The following SVOPL variants were observed in gnomAD, a reference collection of about 807,000 sequenced individuals.
The protein encoded by SVOPL is putative transporter SVOPL.
SVOPL carries 60 observed loss-of-function variants against 61.0 expected under a neutral mutation model. The ratio of observed to expected loss-of-function variants is 0.98; its 90% CI spans 0.80 to 1.22. The LOEUF (loss-of-function observed/expected upper bound fraction) is 1.22, where lower values mean the gene tolerates loss of function less well. Ranked by LOEUF, SVOPL falls within the 50% of genes most tolerant of loss-of-function variation. SVOPL has a pLI of 0.00. For missense variants in SVOPL, 662 were observed against 643.9 expected, an observed-to-expected ratio of 1.03 and a Z score of -0.30; for synonymous variants, 279 against 250.0, an observed-to-expected ratio of 1.12 and a Z score of -1.09.
At chr7:138,662,996 A>AAG in intron 5 of SVOPL, 78 bp downstream of exon 5, 1 of 1,602,256 alleles carries the variant, frequency 6.2e-7, no homozygotes, top group East Asian at 2.2e-5. Flanking sequence ...ATGCCTACTA[A>AAG]AGAGAAACAG....
At chr7:138,606,325 G>A (rs1798756380) in intron 14 of SVOPL, among the ~76,000 whole-genome samples, 1 of 152,038 alleles carries the variant, frequency 6.6e-6, no homozygotes, top group African/African-American at 2.4e-5. Flanking sequence ...GAAGAGGAAA[G>A]CTCTCCACTG....
chr7:138,640,503 G>T (rs964303768), intron 9 of SVOPL, among the ~76,000 whole-genome samples: 2 of 152,220 alleles, frequency 1.3e-5, no homozygotes, highest in East Asian at 3.9e-4. Flanking sequence ...ACCCACCTCA[G>T]TCTCTCAAAG....
At chr7:138,694,460 G>A (rs527678873) in intron 1 of SVOPL, among the ~76,000 whole-genome samples, 10 of 152,130 alleles carry the variant, frequency 6.6e-5, no homozygotes, top group African/African-American at 2.2e-4. Context: ...TGGCCAGGCT[G>A]GTCTCGAACT....
At chr7:138,656,223 C>T (rs1372284732) in intron 7 of SVOPL, among the ~76,000 whole-genome samples, 1 of 152,158 alleles carries the variant, frequency 6.6e-6, no homozygotes, top group Non-Finnish European at 1.5e-5. Flanking sequence ...GTGTACATTG[C>T]TTTTTAGGCA....
intron 4 of SVOPL, among the ~76,000 whole-genome samples, chr7:138,665,232 A>G (rs1360460794): frequency 1.4e-5 from 2 of 146,292 alleles, no homozygotes; most frequent in African/African-American, 5.1e-5. Context: ...CATGACTCTC[A>G]CAAAACACAA....
intron 14 of SVOPL, among the ~76,000 whole-genome samples, chr7:138,611,884 T>C (rs1221413422): frequency 1.4e-4 from 10 of 71,648 alleles, no homozygotes; most frequent in East Asian, 3.6e-4. Flanking sequence ...CGCCACCCCG[T>C]CTGGGAGGTG....
At chr7:138,649,199 A>T (rs1584832390) in intron 7 of SVOPL, 62 bp from the exon 8 acceptor site, 1 of 1,031,418 alleles carries the variant, frequency 9.7e-7, no homozygotes, top group Non-Finnish European at 1.4e-6. Context: ...AAAAAAAAAA[A>T]GGAAAAATAT....
At chr7:138,601,251 C>CAAAAAAAA (rs59761826) in intron 14 of SVOPL, among the ~76,000 whole-genome samples, 1 of 99,116 alleles carries the variant, frequency 1.0e-5, no homozygotes, top group Non-Finnish European at 2.0e-5. Context: ...GATTCCATCT[C>CAAAAAAAA]AAAAAAAAAA....
At chr7:138,676,593 G>A (rs757384961) in intron 3 of SVOPL, among the ~76,000 whole-genome samples, 29 of 151,498 alleles carry the variant, frequency 1.9e-4, no homozygotes, top group Non-Finnish European at 3.5e-4. Context: ...GTTTTGGAAG[G>A]GACACATTCA....
chr7:138,683,429 G>A (rs76463792), intron 1 of SVOPL, among the ~76,000 whole-genome samples: 24,863 of 151,838 alleles, frequency 0.16, 2,306 homozygotes, highest in Middle Eastern at 0.3. Flanking sequence ...GTGCAGTGGC[G>A]GGATCTCATC....
chr7:138,680,219 G>T (rs1802669275), intron 1 of SVOPL, among the ~76,000 whole-genome samples: 1 of 149,754 alleles, frequency 6.7e-6, no homozygotes, highest in East Asian at 1.9e-4. Flanking sequence ...GCCCAGACTG[G>T]AGTGCAGTGG....
intron 5 of SVOPL, 39 bp downstream of exon 5, chr7:138,663,035 A>G (rs2117085267): frequency 6.2e-7 from 1 of 1,613,754 alleles, no homozygotes; most frequent in East Asian, 2.2e-5. Context: ...AAGAATACAC[A>G]AAAGACAATT....
At chr7:138,657,728 A>T (rs1005327307) in intron 6 of SVOPL, among the ~76,000 whole-genome samples, 1 of 152,188 alleles carries the variant, frequency 6.6e-6, no homozygotes, top group Admixed American at 6.6e-5. Flanking sequence ...CCAAAGCTCA[A>T]AGCTTACTGT....
At chr7:138,642,831 C>CAAAAAAAAAAAAAA (rs749603417) in intron 9 of SVOPL, among the ~76,000 whole-genome samples, 15 of 26,908 alleles carry the variant, frequency 5.6e-4, no homozygotes, top group African/African-American at 1.0e-3. Context: ...CTCCTACCTC[C>CAAAAAAAAAAAAAA]AAAAAAAAAA....
chr7:138,634,574 G>T (rs908766385), intron 9 of SVOPL, among the ~76,000 whole-genome samples: 4 of 152,140 alleles, frequency 2.6e-5, no homozygotes, highest in Admixed American at 6.5e-5. Context: ...CTTGAGCTCA[G>T]CAGGTTGAGG....
chr7:138,661,351 T>A (rs1370481666), intron 5 of SVOPL: 1 of 985,272 alleles, frequency 1.0e-6, no homozygotes, highest in Admixed American at 6.2e-5. Context: ...CCTGCAAATG[T>A]CCACACTCTA....
intron 5 of SVOPL, chr7:138,662,575 G>T (rs1402193214): frequency 1.0e-6 from 1 of 986,576 alleles, no homozygotes; most frequent in Non-Finnish European, 1.2e-6. Flanking sequence ...CAATAGGGCT[G>T]CTCTGAAGGG....
intron 12 of SVOPL, 48 bp from the exon 13 acceptor site, chr7:138,626,098 C>T (rs1378663227): frequency 1.3e-6 from 2 of 1,558,038 alleles, no homozygotes; most frequent in Non-Finnish European, 1.8e-6. Context: ...GCATGGAGGA[C>T]CACCTCCAGT....
intron 4 of SVOPL, among the ~76,000 whole-genome samples, chr7:138,664,499 T>G (rs535985517): frequency 1.4e-5 from 2 of 141,048 alleles, no homozygotes; most frequent in Non-Finnish European, 3.1e-5. Flanking sequence ...GGCAAGCCCC[T>G]GACCCTTTAT....
Sources: gnomAD v4.1 joint callset for allele counts (sites outside exome capture counted in the v4.1 genomes callset) on GRCh38, gnomAD v4.1.1 for gene constraint, MANE v1.5 for transcripts, NCBI Gene and HGNC (gene_info 2026-07-23, HGNC 2026-07-21) for gene names.